TRIP11: variants seen among roughly 807,000 people sequenced by gnomAD.
TRIP11 encodes the protein thyroid hormone receptor interactor 11, also known as thyroid receptor-interacting protein 11.
Under a neutral mutation model 223.1 loss-of-function variants are expected in TRIP11, and 148 were observed. The ratio of observed to expected loss-of-function variants is 0.66; its 90% CI spans 0.58 to 0.76. The LOEUF (loss-of-function observed/expected upper bound fraction) is 0.76. Ranked by LOEUF, TRIP11 falls within the 30% of genes least tolerant of loss-of-function variation. TRIP11 has a pLI of 0.00. For synonymous variants in TRIP11, 762 were observed against 772.6 expected, an observed-to-expected ratio of 0.99 and a Z score of 0.23; for missense variants, 2,043 against 2,222.0, an observed-to-expected ratio of 0.92 and a Z score of 1.62.
intron 4 of TRIP11, among the ~76,000 whole-genome samples, 168 bp downstream of exon 4, chr14:92,021,388 C>CAAAA (rs35038594): frequency 9.1e-6 from 1 of 109,510 alleles, no homozygotes. Context: ...GATTCTGTCT[C>CAAAA]AAAAAAAAAA....
chr14:91,990,116 C>T (rs185187448), intron 15 of TRIP11, among the ~76,000 whole-genome samples: 258 of 152,218 alleles, frequency 1.7e-3, no homozygotes, highest in African/African-American at 5.8e-3. Context: ...AAATTTGACA[C>T]ATATACATAC....
At chr14:92,031,851 T>C (rs10150636) in intron 2 of TRIP11, among the ~76,000 whole-genome samples, 120,517 of 152,056 alleles carry the variant, frequency 0.79, 48,170 homozygotes, top group African/African-American at 0.87. Flanking sequence ...CTCACTCTGT[T>C]GCCCGGGCTG....
chr14:92,039,079 T>C (rs1028769822), intron 1 of TRIP11, among the ~76,000 whole-genome samples: 1 of 152,154 alleles, frequency 6.6e-6, no homozygotes, highest in African/African-American at 2.4e-5. Context: ...TGGCCGTGTT[T>C]CATAACATAC....
In TRIP11 at chr14:91,968,821, G is replaced by A. The variant is rs1466167183; in HGVS notation, c.*852C>T. 4.3e-6 allele frequency: 1 copy of A among 232,962 alleles called. No individual in the cohort carries two copies. The highest frequency in any genetic ancestry group is 8.5e-6 in the Non-Finnish European group (1 of 117,086). 14.4% of individuals were successfully genotyped at this position (232,962 alleles called of 1,614,324 possible). A position where few individuals can be genotyped will look rare whatever the true frequency, so the allele number is the denominator to read the frequency against. The stretch of plus-strand genomic sequence containing the variant: ...TCAAAATAACAAAATGACTGAGATG[G>A]AGAACAGTAAGTGGTTGTCAGGGAT... On this transcript the variant is annotated 3_prime_UTR_variant, in exon 21 of 21. Coordinates refer to ENST00000267622, the MANE Select transcript of TRIP11 (RefSeq NM_004239.4).
Position 92,017,720 on chromosome 14 carries a change from CAG to C in TRIP11, c.617_618del (p.Ser206Ter), listed in dbSNP as rs1566867763. ...TGTAGTTTACATATTTCACTTTGATCAGAGTTATCTGTTCCTTGTGCTTTGGA... is the reference window on the plus strand; with the variant it reads ...TGTAGTTTACATATTTCACTTTGATCAGTTATCTGTTCCTTGTGCTTTGGA... The part of the protein sequence containing the change: ...QTSKAQGTDN[S>X]DQSEICKLQN... On this transcript the variant is annotated frameshift_variant, in exon 5 of 21. Coordinates refer to ENST00000267622, the MANE Select transcript of TRIP11 (RefSeq NM_004239.4). LOFTEE classifies it high-confidence loss of function. The C allele has an allele frequency of 5.0e-6, 8 of 1,612,858 alleles. No homozygotes were observed. Among genetic ancestry groups the C allele is most frequent in the African/African-American group, 1.3e-5 (1 of 75,018 alleles).
chr14:91,999,842 C>A, intron 12 of TRIP11, 126 bp downstream of exon 12: 1 of 1,282,864 alleles, frequency 7.8e-7, no homozygotes. Flanking sequence ...TACTACTGCA[C>A]AGCAGAGGAA....
At chr14:92,022,276 T>C (rs963712126) in intron 3 of TRIP11, among the ~76,000 whole-genome samples, 2 of 152,206 alleles carry the variant, frequency 1.3e-5, no homozygotes, top group African/African-American at 4.8e-5. Context: ...TGGCTGGATG[T>C]AGGCTTAAAA....
chr14:92,017,633 A>G, intron 5 of TRIP11, 49 bp downstream of exon 5: 1 of 1,423,610 alleles, frequency 7.0e-7, no homozygotes, highest in South Asian at 1.2e-5. Flanking sequence ...GCTTTTAATA[A>G]GCAGATTTAG....
At chr14:91,998,219 T>C (rs1171109316) in intron 13 of TRIP11, among the ~76,000 whole-genome samples, 15 of 152,194 alleles carry the variant, frequency 9.9e-5, no homozygotes, top group Admixed American at 9.2e-4. Flanking sequence ...GGAATACAAA[T>C]GGACACAATT....
intron 13 of TRIP11, among the ~76,000 whole-genome samples, chr14:91,995,907 C>G (rs905888517): frequency 6.8e-6 from 1 of 146,226 alleles, no homozygotes; most frequent in East Asian, 1.9e-4. Flanking sequence ...TGAGCCACCG[C>G]CCCTGGCCTC....
Position 92,021,736 on chromosome 14 carries a change from A to G in TRIP11, c.408T>C (p.Gly136=). The G allele has an allele frequency of 6.2e-7, 1 of 1,614,202 alleles. No individual in the cohort carries two copies. Among genetic ancestry groups the G allele is most frequent in the Non-Finnish European group, 8.5e-7 (1 of 1,180,032 alleles). ...SAAQSVPSGA[G]VPATTASSSF... The stretch of plus-strand genomic sequence containing the variant: ...AAGATGATGCAGTGGTTGCTGGTAC[A>G]CCAGCTCCTGAAGGTACTGACTGAG... The change falls in exon 4 of 21, where the codon GGT becomes GGC. Residue 136 remains glycine (G), a synonymous_variant. Coordinates refer to ENST00000267622, the MANE Select transcript of TRIP11 (RefSeq NM_004239.4).
rs11850319 is a variant in TRIP11, at chr14:91,981,732, A to C, written c.5261-5543T>G. Among the ~76,000 whole-genome samples the C allele has an allele frequency of 5.5e-3, 831 of 152,360 alleles. 8 individuals are homozygous for C. Among genetic ancestry groups the C allele is most frequent in the African/African-American group, 0.019 (800 of 41,584 alleles). ...AACTCAATTATTTTCAACTGTATCC[A>C]ACACAGAATTTGAAGGTCTAGAGTA... On this transcript the variant is annotated intron_variant, in intron 16 of 20. Transcript: ENST00000267622.
Position 91,974,662 on chromosome 14 carries a change from G to T in TRIP11, c.5539C>A (p.Pro1847Thr), listed in dbSNP as rs767714785. The change falls in exon 19 of 21, where the codon CCT becomes ACT. Residue 1847 changes from proline (P) to threonine (T), a missense_variant. Transcript: ENST00000267622. ...ACAGATTGCTGATTTGGTCTCAAAG[G>T]TGTGTTGGGAACACTTTTTGATCCT... ...GGGSKSVPNT[P>T]LRPNQQSVVN... The T allele has an allele frequency of 9.9e-6, 16 of 1,612,380 alleles. No individual in the cohort carries two copies. In the Admixed American group the frequency reaches 1.2e-4, roughly 12 times the overall value.
intron 4 of TRIP11, 95 bp from the exon 5 acceptor site, chr14:92,017,845 A>C: frequency 9.1e-7 from 1 of 1,104,842 alleles, no homozygotes; most frequent in Non-Finnish European, 1.3e-6. Flanking sequence ...ACTTTTGTAA[A>C]AAGGGGGATT....
Position 91,969,795 on chromosome 14 carries a change from G to A in TRIP11, c.5818C>T (p.Pro1940Ser). The change falls in exon 21 of 21, where the codon CCT becomes TCT. Residue 1940 changes from proline to serine, a missense_variant. Pro to Ser is a moderately conservative substitution (Grantham distance 74). Coordinates refer to ENST00000267622, the MANE Select transcript of TRIP11 (RefSeq NM_004239.4). ...AGAAGAAGATGCCCGGGCCCACCAG[G>A]TCCAAGTCCAGCTGGGTTAATAAGA... ...VPLINPAGLG[P>S]GGPGHLLLKP... 6.2e-7 allele frequency: 1 copy of A among 1,614,150 alleles called. No individual in the cohort carries two copies.
intron 1 of TRIP11, among the ~76,000 whole-genome samples, chr14:92,035,952 CT>C (rs1011296862): frequency 6.6e-6 from 1 of 152,138 alleles, no homozygotes; most frequent in African/African-American, 2.4e-5. Context: ...AAAACCCATC[CT>C]GGGCCACATG....
intron 16 of TRIP11, among the ~76,000 whole-genome samples, chr14:91,987,559 A>G (rs1312858651): frequency 5.3e-5 from 8 of 152,184 alleles, no homozygotes; most frequent in African/African-American, 1.4e-4. Context: ...CTAGACATCT[A>G]AAGTTGATGC....
chr14:91,974,619 T>C lies in TRIP11; in HGVS notation c.5574+8A>G. 6.3e-7 allele frequency: 1 copy of C among 1,596,628 alleles called. No homozygotes were observed. Among genetic ancestry groups the C allele is most frequent in the Non-Finnish European group, 8.6e-7 (1 of 1,165,850 alleles). On this transcript the variant is annotated splice_region_variant and intron_variant, in intron 19 of 20. Transcript: ENST00000267622. ...TTCACCTTAAGCAAGAATAAAATTG[T>C]TTCTTACACTATTAACCACAGATTG...
intron 1 of TRIP11, among the ~76,000 whole-genome samples, chr14:92,036,597 C>T (rs1285069468): frequency 6.6e-6 from 1 of 152,168 alleles, no homozygotes; most frequent in East Asian, 1.9e-4. Context: ...AAACTGCAAC[C>T]TTCTGATATT....
Sources: gnomAD v4.1 joint callset for allele counts (sites outside exome capture counted in the v4.1 genomes callset) on GRCh38, gnomAD v4.1.1 for gene constraint, MANE v1.5 for transcripts, NCBI Gene and HGNC (gene_info 2026-07-23, HGNC 2026-07-21) for gene names.